The following HERC4 variants were observed in gnomAD, a reference collection of about 807,000 sequenced individuals.
The protein encoded by HERC4 is probable E3 ubiquitin-protein ligase HERC4.
Under a neutral mutation model 124.3 loss-of-function variants are expected in HERC4, and 28 were observed. That is an observed-to-expected ratio of 0.23 (90% confidence interval 0.17 to 0.31). The LOEUF (loss-of-function observed/expected upper bound fraction) is 0.31, where lower values mean the gene tolerates loss of function less well. HERC4 is among the 10% of genes least tolerant of loss of function. HERC4 has a pLI of 1.00. For missense variants in HERC4, 713 were observed against 1,229.3 expected (o/e 0.58, Z 6.28); for synonymous variants, 407 against 421.5 (o/e 0.97, Z 0.42).
At chr10:67,959,466 A>C (rs2034361682) in intron 16 of HERC4, among the ~76,000 whole-genome samples, 1 of 152,150 alleles carries the variant, frequency 6.6e-6, no homozygotes, top group African/African-American at 2.4e-5. Flanking sequence ...TTGGTCTTAA[A>C]AAAAAAAATT....
In HERC4 at chr10:68,001,288, C is replaced by T. The variant is rs575950376; in HGVS notation, c.1070-8606G>A. On this transcript the variant is annotated intron_variant, in intron 9 of 24. Transcript: ENST00000373700. Reference sequence around the variant, plus strand: ...TTAGGAGGCTGAGGTGAAAGGACTGCTTGAGCCTGGGAGGCTGAGGTTGCA... The same window carrying T: ...TTAGGAGGCTGAGGTGAAAGGACTGTTTGAGCCTGGGAGGCTGAGGTTGCA... Among the ~76,000 whole-genome samples, 24 of 151,824 alleles carry T rather than the reference C, an allele frequency of 1.6e-4. No homozygotes were observed. In the East Asian group the frequency reaches 2.9e-3, roughly 18 times the overall value.
At chr10:67,948,944 A>G (rs1461669634) in intron 19 of HERC4, among the ~76,000 whole-genome samples, 1 of 147,044 alleles carries the variant, frequency 6.8e-6, no homozygotes, top group Non-Finnish European at 1.5e-5. Flanking sequence ...AAATAAATAA[A>G]TACAATTTTT....
chr10:68,046,886 C>A (rs947760069), intron 3 of HERC4, among the ~76,000 whole-genome samples: 7 of 152,054 alleles, frequency 4.6e-5, no homozygotes, highest in Non-Finnish European at 7.4e-5. Context: ...CGAGCCCAAG[C>A]AGTTGAAGCT....
chr10:67,931,039 G>A (rs1589118071), intron 23 of HERC4, among the ~76,000 whole-genome samples: 1 of 152,220 alleles, frequency 6.6e-6, no homozygotes, highest in African/African-American at 2.4e-5. Flanking sequence ...GGGCTGGAGT[G>A]CAGTGGCGCA....
intron 19 of HERC4, among the ~76,000 whole-genome samples, chr10:67,947,116 C>T (rs966149438): frequency 6.6e-6 from 1 of 152,120 alleles, no homozygotes; most frequent in South Asian, 2.1e-4. Flanking sequence ...GCACTACAGA[C>T]CAAATGGATT....
At chr10:68,056,646 A>G (rs1053788334) in intron 3 of HERC4, among the ~76,000 whole-genome samples, 1 of 152,220 alleles carries the variant, frequency 6.6e-6, no homozygotes, top group Non-Finnish European at 1.5e-5. Flanking sequence ...TATACCTTGG[A>G]AAGATTAACC....
At chr10:67,968,304 C>T (rs1354712093) in intron 15 of HERC4, among the ~76,000 whole-genome samples, 1 of 151,930 alleles carries the variant, frequency 6.6e-6, no homozygotes, top group Non-Finnish European at 1.5e-5. Flanking sequence ...GTAAGACCTG[C>T]TAAAAATAAA....
At position 67,988,744 on chromosome 10, in the gene HERC4, C is replaced by G. The variant is rs1220487686; in HGVS notation, c.1725G>C (p.Lys575Asn). ...EVVVHLLKLY[K>N]IGIPPSERRI... is the part of the protein sequence containing the mutation. ...TTCTTTCAGAAGGGGGAATACCGAT[C>G]TTGTAGAGTTTCAAAAGATGTACCA... is the stretch of plus-strand genomic sequence containing the variant. Residue 575 changes from lysine (K) to asparagine (N), a missense_variant, in exon 15 of 25, where the codon AAG (lysine) becomes AAC (asparagine). Physicochemically the swap from Lys to Asn is moderately conservative, Grantham distance 94. Transcript: ENST00000373700. The G allele has an allele frequency of 6.2e-7, 1 of 1,606,262 alleles. No homozygotes were observed. The highest frequency in any genetic ancestry group is 2.2e-5 in the East Asian group (1 of 44,708).
chr10:68,053,653 A>G (rs917716750), intron 3 of HERC4, among the ~76,000 whole-genome samples: 1 of 152,184 alleles, frequency 6.6e-6, no homozygotes, highest in Non-Finnish European at 1.5e-5. Context: ...AAAATGTGGC[A>G]TTAAATATAT....
chr10:67,948,596 A>T (rs2033563055), intron 19 of HERC4, among the ~76,000 whole-genome samples: 2 of 152,190 alleles, frequency 1.3e-5, no homozygotes, highest in Non-Finnish European at 2.9e-5. Context: ...TAGTACAACC[A>T]CTATGGAAAA....
At chr10:67,985,564 T>G (rs1297860948) in intron 15 of HERC4, among the ~76,000 whole-genome samples, 1 of 152,234 alleles carries the variant, frequency 6.6e-6, no homozygotes, top group Non-Finnish European at 1.5e-5. Context: ...ATAAAATAGT[T>G]TGAAAATCAC....
rs1208746594 is a variant in HERC4 at position 67,988,867 on chromosome 10, T to A, written c.1634-32A>T. The A allele has an allele frequency of 2.6e-6, 4 of 1,538,484 alleles. No individual in the cohort carries two copies. The South Asian group carries it at 4.8e-5, about 19-fold the overall frequency. On this transcript the variant is annotated intron_variant, in intron 14 of 24. Transcript: ENST00000373700. The stretch of plus-strand genomic sequence containing the variant: ...TTAAAAAGTGAACATGCAAATAAAA[T>A]GAATTTTTTAAAAAATCACAATTTT...
Position 68,073,070 on chromosome 10 carries a change from A to G in HERC4, c.39T>C (p.Gly13=). 1 of 1,613,848 alleles carries G rather than the reference A, an allele frequency of 6.2e-7. No individual in the cohort carries two copies. Among genetic ancestry groups the G allele is most frequent in the Non-Finnish European group, 8.5e-7 (1 of 1,179,894 alleles). The part of the protein sequence containing the change: ...CWGNASFGQL[G]LGGIDEEIVL... ...CAATTTCTTCATCAATTCCACCCAA[A>G]CCTAGCTGCCCAAAGGATGCATTTC... Residue 13 remains glycine (G), a synonymous_variant, in exon 3 of 25, where the codon GGT becomes GGC. Transcript: ENST00000373700.
chr10:67,946,348 A>AAC (rs58692888), intron 19 of HERC4, among the ~76,000 whole-genome samples: 32,259 of 127,966 alleles, frequency 0.25, 4,099 homozygotes, highest in South Asian at 0.32. Flanking sequence ...ATAAAACACA[A>AAC]ACACACACAC....
intron 3 of HERC4, among the ~76,000 whole-genome samples, chr10:68,059,499 TATATTATA>T (rs1262790452): frequency 1.6e-5 from 2 of 127,746 alleles, no homozygotes; most frequent in Non-Finnish European, 3.2e-5. Flanking sequence ...TATAACATTA[TATATTATA>T]ATATTATATA....
intron 3 of HERC4, among the ~76,000 whole-genome samples, chr10:68,051,738 G>A (rs2040322918): frequency 6.8e-6 from 1 of 147,328 alleles, no homozygotes; most frequent in Non-Finnish European, 1.5e-5. Flanking sequence ...TGCCCAGGCT[G>A]GAGTGCAGTG....
At chr10:67,981,784 C>T (rs145873315) in intron 15 of HERC4, among the ~76,000 whole-genome samples, 2 of 151,964 alleles carry the variant, frequency 1.3e-5, no homozygotes, top group Non-Finnish European at 2.9e-5. Context: ...ATGACGAAAC[C>T]CCATCTCTAC....
chr10:68,011,347 G>A (rs1038951089), intron 9 of HERC4, among the ~76,000 whole-genome samples: 1 of 152,180 alleles, frequency 6.6e-6, no homozygotes, highest in Non-Finnish European at 1.5e-5. Flanking sequence ...TTCTTTGAAG[G>A]TTTTCAATTT....
At chr10:68,013,886 A>G in intron 9 of HERC4, 140 bp downstream of exon 9, 1 of 649,740 alleles carries the variant, frequency 1.5e-6, no homozygotes, top group Non-Finnish European at 2.5e-6. Flanking sequence ...TCAAACAACC[A>G]TATACATTGT....
Sources: allele counts gnomAD v4.1 joint callset (sites outside exome capture counted in the v4.1 genomes callset), GRCh38; gene constraint gnomAD v4.1.1; transcripts MANE v1.5; gene names NCBI Gene and HGNC (gene_info 2026-07-23, HGNC 2026-07-21).